The following PRKN variants were observed in gnomAD, a reference collection of about 807,000 sequenced individuals.
PRKN encodes the protein E3 ubiquitin-protein ligase parkin.
Under a neutral mutation model 59.5 loss-of-function variants are expected in PRKN, and 56 were observed. The observed-to-expected ratio is 0.94, with a 90% CI of 0.76 to 1.18. The LOEUF (loss-of-function observed/expected upper bound fraction) is 1.18, where lower values mean the gene tolerates loss of function less well. Ranked by LOEUF, PRKN falls within the 50% of genes most tolerant of loss-of-function variation. The probability of loss-of-function intolerance (pLI) is 0.00; values close to 1 mark genes in which losing one functional copy is unlikely to be tolerated. For synonymous variants in PRKN, 250 were observed against 222.1 expected (o/e 1.13, Z -1.12); for missense variants, 657 against 596.4 (o/e 1.10, Z -1.06).
Position 161,545,268 on chromosome 6 carries a change from G to A in PRKN, c.1083+3586C>T, listed in dbSNP as rs1779756763. Reference sequence around the variant, plus strand: ...CACAGGCATCTTACAATAAATCTGTGAACCACATCCTGATAATCACTGGAG... The same window carrying A: ...CACAGGCATCTTACAATAAATCTGTAAACCACATCCTGATAATCACTGGAG... On this transcript the variant is annotated intron_variant, in intron 9 of 11. Transcript: ENST00000366898. This position sits in a 1 kb window ranked among gnomAD's most constrained non-coding sequence, Gnocchi z 4.1. 6.9e-7 allele frequency: 1 copy of A among 1,441,588 alleles called. No individual in the cohort carries two copies. Among genetic ancestry groups the A allele is most frequent in the South Asian group, 1.6e-5 (1 of 64,408 alleles). 89.3% of individuals were successfully genotyped at this position (1,441,588 alleles called of 1,614,324 possible). A position where few individuals can be genotyped will look rare whatever the true frequency, so the allele number is the denominator to read the frequency against.
intron 1 of PRKN, among the ~76,000 whole-genome samples, chr6:162,675,167 C>A (rs1310317294): frequency 6.6e-6 from 1 of 152,030 alleles, no homozygotes; most frequent in Non-Finnish European, 1.5e-5. Flanking sequence ...CCTGCCTCAG[C>A]CTCCAGAGTA....
At chr6:161,628,213 TG>T (rs1783164392) in intron 7 of PRKN, among the ~76,000 whole-genome samples, 1 of 152,252 alleles carries the variant, frequency 6.6e-6, no homozygotes, top group Non-Finnish European at 1.5e-5. Context: ...TCAATTAATT[TG>T]GTTTGAAGAA....
At chr6:162,707,388 A>G (rs2128237931) in intron 1 of PRKN, among the ~76,000 whole-genome samples, 1 of 152,334 alleles carries the variant, frequency 6.6e-6, no homozygotes, top group South Asian at 2.1e-4. Flanking sequence ...ATACTCTCAG[A>G]ACAGAGTAAT....
intron 1 of PRKN, among the ~76,000 whole-genome samples, chr6:162,547,715 G>T (rs1779174546): frequency 6.6e-6 from 1 of 151,918 alleles, no homozygotes; most frequent in African/African-American, 2.4e-5. Context: ...CAAGTAGCTG[G>T]GATTACAGGC....
chr6:162,372,485 T>C (rs897814316), intron 2 of PRKN, among the ~76,000 whole-genome samples: 1 of 151,978 alleles, frequency 6.6e-6, no homozygotes, highest in Non-Finnish European at 1.5e-5. Context: ...AGAAGAAAAA[T>C]AACTTCCGAG....
Position 161,579,590 on chromosome 6 carries a change from G to C in PRKN, c.872-10174C>G, listed in dbSNP as rs992741252. Among the ~76,000 whole-genome samples the C allele has an allele frequency of 2.0e-5, 3 of 152,144 alleles. No individual in the cohort carries two copies. The highest frequency in any genetic ancestry group is 4.4e-5 in the Non-Finnish European group (3 of 68,034). ...ATAGGGCATATTCAGGCACTATTAA[G>C]TTTGGGAAAATAAATCATATCCAAA... On this transcript the variant is annotated intron_variant, in intron 7 of 11. Coordinates refer to ENST00000366898, the MANE Select transcript of PRKN (RefSeq NM_004562.3). The surrounding 1 kb of genome is among the most constrained non-coding windows in gnomAD (Gnocchi z 4.2).
chr6:161,555,258 C>T (rs562485070), intron 8 of PRKN, among the ~76,000 whole-genome samples: 93 of 152,088 alleles, frequency 6.1e-4, no homozygotes, highest in African/African-American at 2.0e-3. Flanking sequence ...TAACTTGGTT[C>T]ACCTTGAAAA....
rs968574412 is a variant in PRKN at position 161,584,095 on chromosome 6, G to A, written c.872-14679C>T. On this transcript the variant is annotated intron_variant, in intron 7 of 11. Coordinates refer to ENST00000366898, the MANE Select transcript of PRKN (RefSeq NM_004562.3). The surrounding 1 kb of genome is among the most constrained non-coding windows in gnomAD (Gnocchi z 4.8). ...TAGAGACACAACCCTCCCCTCCTTG[G>A]TTGTATGTGTATTCATCTCTTCTTC... Among the ~76,000 whole-genome samples the A allele has an allele frequency of 1.3e-5, 2 of 152,104 alleles. No homozygotes were observed. Among genetic ancestry groups the A allele is most frequent in the African/African-American group, 4.8e-5 (2 of 41,408 alleles).
intron 10 of PRKN, among the ~76,000 whole-genome samples, chr6:161,370,194 G>A (rs1785382786): frequency 6.6e-6 from 1 of 151,548 alleles, no homozygotes; most frequent in Non-Finnish European, 1.5e-5. Context: ...AGGAGTTCAA[G>A]GCCAGACTGG....
intron 1 of PRKN, among the ~76,000 whole-genome samples, chr6:162,516,712 G>A (rs760867545): frequency 4.9e-4 from 74 of 150,556 alleles, no homozygotes; most frequent in Non-Finnish European, 8.6e-4. Context: ...GCAGTGAGCC[G>A]AGATGGCGCC....
chr6:161,798,036 C>T (rs566946175), intron 6 of PRKN, among the ~76,000 whole-genome samples: 9 of 152,196 alleles, frequency 5.9e-5, no homozygotes, highest in African/African-American at 2.2e-4. Context: ...CCTGTCTCTA[C>T]TAAAACTACA....
intron 6 of PRKN, among the ~76,000 whole-genome samples, chr6:161,892,504 G>A (rs539288144): frequency 6.6e-6 from 1 of 151,946 alleles, no homozygotes; most frequent in Non-Finnish European, 1.5e-5. Flanking sequence ...TCACAGGTAA[G>A]AACTAGGGGC....
At chr6:162,618,397 G>T (rs796624164) in intron 1 of PRKN, among the ~76,000 whole-genome samples, 2 of 151,898 alleles carry the variant, frequency 1.3e-5, no homozygotes, top group South Asian at 4.2e-4. Flanking sequence ...TGCCTTTATA[G>T]GAAATAATGT....
At chr6:162,375,019 T>C (rs1041187227) in intron 2 of PRKN, among the ~76,000 whole-genome samples, 11 of 152,128 alleles carry the variant, frequency 7.2e-5, no homozygotes, top group African/African-American at 2.7e-4. Flanking sequence ...ATGGATAATC[T>C]AGTGTGATTT....
chr6:162,441,656 A>G (rs1790059574), intron 2 of PRKN, among the ~76,000 whole-genome samples: 1 of 152,206 alleles, frequency 6.6e-6, no homozygotes, highest in East Asian at 1.9e-4. Flanking sequence ...ATAAATAAAG[A>G]GCAGTCTCCA....
intron 9 of PRKN, among the ~76,000 whole-genome samples, chr6:161,512,299 CCTG>C (rs1414504871): frequency 5.3e-5 from 8 of 152,006 alleles, no homozygotes; most frequent in Non-Finnish European, 1.5e-5. Context: ...ATGACCCCCC[CCTG>C]AAAATCAAAT....
At chr6:162,403,788 G>A (rs1474698649) in intron 2 of PRKN, among the ~76,000 whole-genome samples, 2 of 152,162 alleles carry the variant, frequency 1.3e-5, no homozygotes, top group African/African-American at 2.4e-5. Flanking sequence ...TAATTACATG[G>A]GCGGGGAAAT....
At position 161,589,129 on chromosome 6, in the gene PRKN, G is replaced by A. The variant is rs865867348; in HGVS notation, c.872-19713C>T. Among the ~76,000 whole-genome samples the A allele has an allele frequency of 3.9e-5, 6 of 152,264 alleles. 1 individual carries two copies. The Middle Eastern group carries it at 0.014, about 345-fold the overall frequency. ...TCAACAACATCAGGACATAGTATAC[G>A]GCATGCCGTCAAGAAACCTGCTGAA... On this transcript the variant is annotated intron_variant, in intron 7 of 11. Transcript: ENST00000366898.
intron 4 of PRKN, among the ~76,000 whole-genome samples, chr6:162,064,122 C>T (rs775564136): frequency 1.1e-4 from 16 of 151,906 alleles, no homozygotes; most frequent in South Asian, 2.1e-4. Flanking sequence ...GGATGAGTCT[C>T]GAAACAAAAC....
Sources: allele counts gnomAD v4.1 joint callset (sites outside exome capture counted in the v4.1 genomes callset), GRCh38; gene constraint gnomAD v4.1.1; non-coding constraint Gnocchi (gnomAD v3.1); transcripts MANE v1.5; gene names NCBI Gene and HGNC (gene_info 2026-07-23, HGNC 2026-07-21).